Variants in ZFR2 observed in about 807,000 individuals in gnomAD.
ZFR2 encodes the protein zinc finger RNA binding protein 2.
In ZFR2, 104 loss-of-function variants were observed where a neutral mutation model predicts 105.7. The observed-to-expected ratio is 0.98, with a 90% confidence interval of 0.84 to 1.16. The LOEUF (loss-of-function observed/expected upper bound fraction) is 1.16, where lower values mean the gene tolerates loss of function less well. Among genes scored for constraint, ZFR2 ranks in the 50% most tolerant of loss-of-function variants. ZFR2 has a pLI of 0.00. For synonymous variants in ZFR2, 634 were observed against 597.7 expected (o/e 1.06, Z -0.89); for missense variants, 1,425 against 1,355.5 (o/e 1.05, Z -0.80).
At chr19:3,845,195 A>G (rs1199707944) in intron 1 of ZFR2, among the ~76,000 whole-genome samples, 2 of 152,176 alleles carry the variant, frequency 1.3e-5, no homozygotes, top group African/African-American at 4.8e-5. Flanking sequence ...CCCATTCTGC[A>G]TTGGGCTAAA....
intron 5 of ZFR2, among the ~76,000 whole-genome samples, chr19:3,828,404 T>C (rs1342651672): frequency 3.3e-5 from 5 of 152,176 alleles, no homozygotes; most frequent in Non-Finnish European, 7.3e-5. Context: ...TTCAAGGAGT[T>C]TCTTTGGAAA....
At position 3,819,058 on chromosome 19, in the gene ZFR2, C is replaced by T. The variant is rs1259854908; in HGVS notation, c.1918G>A (p.Gly640Ser). 3.7e-6 allele frequency: 6 copies of T among 1,612,348 alleles called. No individual in the cohort carries two copies. The highest frequency in any genetic ancestry group is 1.7e-5 in the Admixed American group (1 of 59,968). ...EEDRGRREEE[G>S]DKRSSVAPQT... ...ATCTCCAATGACCTGCGCTTGTCAC[C>T]CTCTTCCTCTCGGCGGCCCCGGTCC... Residue 640 changes from glycine (G) to serine (S), a missense_variant, in exon 12 of 19, where the codon GGT (glycine) becomes AGT (serine). Coordinates refer to ENST00000262961, the MANE Select transcript of ZFR2 (RefSeq NM_015174.2).
In ZFR2 at chr19:3,831,569, G is replaced by T; in HGVS notation, c.599-13C>A. ...GGGTAGCTTGGTGCTGAGCAGCAGA[G>T]AAAACAATGAGTCGGGGGGAGATGC... On this transcript the variant is annotated splice_polypyrimidine_tract_variant and intron_variant, in intron 4 of 18. Transcript: ENST00000262961. The T allele has an allele frequency of 1.3e-6, 2 of 1,556,854 alleles. No homozygotes were observed. Among genetic ancestry groups the T allele is most frequent in the Non-Finnish European group, 8.7e-7 (1 of 1,150,432 alleles).
Position 3,852,321 on chromosome 19 carries a change from A to G in ZFR2, c.53+16644T>C, listed in dbSNP as rs537828108. 4.8e-4 allele frequency: 300 copies of G among 623,562 alleles called. 1 individual carries two copies. In the African/African-American group the frequency reaches 5.1e-3, roughly 11 times the overall value. 38.6% of individuals were successfully genotyped at this position (623,562 alleles called of 1,614,324 possible). ...TTCAGCTGGGTGGCAATCCTGGTGG[A>G]GGTGGGCCTCAGCTGGGTGGCTCTC... On this transcript the variant is annotated intron_variant, in intron 1 of 18. Coordinates refer to ENST00000262961, the MANE Select transcript of ZFR2 (RefSeq NM_015174.2).
chr19:3,823,335 C>A lies in ZFR2; in HGVS notation c.1282G>T (p.Gly428Cys). 6.2e-7 allele frequency: 1 copy of A among 1,613,994 alleles called. No homozygotes were observed. Among genetic ancestry groups the A allele is most frequent in the African/African-American group, 1.3e-5 (1 of 75,068 alleles). The change falls in exon 8 of 19, where the codon GGT (glycine) becomes TGT (cysteine). Residue 428 changes from glycine (G) to cysteine (C), a missense_variant. Physicochemically the swap from Gly to Cys is radical, Grantham distance 159. Transcript: ENST00000262961. The surrounding 1 kb of genome is among the most constrained non-coding windows in gnomAD (Gnocchi z 5.4). ...WGKPAQPKLE[G>C]PGAPTQGGSK... ...CCTCCTTGGGTAGGTGCTCCGGGAC[C>A]CTCTAATTTAGGTTGGGCTGGTTTC...
At chr19:3,864,574 G>A (rs966958902) in intron 1 of ZFR2, among the ~76,000 whole-genome samples, 1 of 152,206 alleles carries the variant, frequency 6.6e-6, no homozygotes, top group Non-Finnish European at 1.5e-5. Context: ...CCTCTGGCCT[G>A]TCGCTTCCCA....
chr19:3,837,037 C>A (rs989126995), intron 1 of ZFR2, among the ~76,000 whole-genome samples: 1 of 152,240 alleles, frequency 6.6e-6, no homozygotes, highest in Non-Finnish European at 1.5e-5. Context: ...CCCAACCGGG[C>A]CCTGCTGTAG....
intron 17 of ZFR2, among the ~76,000 whole-genome samples, chr19:3,807,519 G>A (rs532790939): frequency 2.6e-5 from 4 of 152,184 alleles, no homozygotes; most frequent in African/African-American, 9.6e-5. Context: ...GTGTGTGTTC[G>A]TGCCTGTGTG....
intron 1 of ZFR2, among the ~76,000 whole-genome samples, 168 bp from the exon 2 acceptor site, chr19:3,835,151 C>T (rs948328649): frequency 6.6e-6 from 1 of 152,064 alleles, no homozygotes; most frequent in African/African-American, 2.4e-5. Flanking sequence ...AAATTAACAC[C>T]GTCTCACAAC....
intron 1 of ZFR2, chr19:3,855,688 A>G (rs2038290151): frequency 2.7e-6 from 1 of 371,118 alleles, no homozygotes; most frequent in African/African-American, 2.1e-5. Context: ...CGGGCTGGTC[A>G]TGGCGGGCCT....
intron 12 of ZFR2, 25 bp downstream of exon 12, chr19:3,819,018 GCC>G: frequency 6.2e-7 from 1 of 1,606,096 alleles, no homozygotes; most frequent in Non-Finnish European, 8.5e-7. Context: ...TGAGAGCCGG[GCC>G]CTGGGGAAGG....
At chr19:3,818,496 C>T (rs534513852) in intron 12 of ZFR2, among the ~76,000 whole-genome samples, 10 of 152,182 alleles carry the variant, frequency 6.6e-5, no homozygotes, top group South Asian at 6.2e-4. Flanking sequence ...AAAACAACAA[C>T]AACAAACAGC....
chr19:3,867,816 C>A (rs1468836003), intron 1 of ZFR2, among the ~76,000 whole-genome samples: 2 of 151,976 alleles, frequency 1.3e-5, no homozygotes, highest in African/African-American at 2.4e-5. Context: ...CCTGGGGTAA[C>A]CTCCCAGGTC....
chr19:3,816,685 G>C lies in ZFR2; in HGVS notation c.2092C>G (p.Arg698Gly). ...GGCCCTGACCTTACCTGGAGCTGCC[G>C]GGGCAGCTGCTGGGCGATCCTCCGC... The part of the protein sequence containing the change: ...LLRRIAQQLP[R>G]QLQMVTEDEY... The change falls in exon 13 of 19, where the codon CGG becomes GGG. Residue 698 changes from arginine (R) to glycine (G), a missense_variant. Coordinates refer to ENST00000262961, the MANE Select transcript of ZFR2 (RefSeq NM_015174.2). The C allele has an allele frequency of 6.2e-7, 1 of 1,608,482 alleles. No homozygotes were observed. Among genetic ancestry groups the C allele is most frequent in the Non-Finnish European group, 8.5e-7 (1 of 1,176,992 alleles).
intron 1 of ZFR2, among the ~76,000 whole-genome samples, chr19:3,848,653 T>TGG (rs2038206148): frequency 6.6e-6 from 1 of 151,640 alleles, no homozygotes; most frequent in Non-Finnish European, 1.5e-5. Context: ...ATCACACCAC[T>TGG]GCACTCCAGC....
At chr19:3,860,534 C>T (rs1046473846) in intron 1 of ZFR2, among the ~76,000 whole-genome samples, 1 of 152,256 alleles carries the variant, frequency 6.6e-6, no homozygotes, top group East Asian at 1.9e-4. Flanking sequence ...CCAGGTTATG[C>T]GGCAGTGGGA....
At chr19:3,831,184 C>T in intron 5 of ZFR2, 119 bp downstream of exon 5, 1 of 1,375,018 alleles carries the variant, frequency 7.3e-7, no homozygotes, top group Admixed American at 2.9e-5. Flanking sequence ...TGCAAGTTAA[C>T]ACCAGACCTT....
chr19:3,821,285 C>A, intron 10 of ZFR2, 55 bp downstream of exon 10: 1 of 1,494,312 alleles, frequency 6.7e-7, no homozygotes, highest in Non-Finnish European at 8.9e-7. Context: ...CTAGGTTCCA[C>A]GCTGGACCTG....
intron 18 of ZFR2, 30 bp from the exon 19 acceptor site, chr19:3,806,155 C>T (rs1485147970): frequency 2.1e-6 from 3 of 1,401,716 alleles, no homozygotes; most frequent in African/African-American, 1.5e-5. Flanking sequence ...TGTCAGGACC[C>T]CCGCCCGCTC....
Sources: allele counts gnomAD v4.1 joint callset (sites outside exome capture counted in the v4.1 genomes callset), GRCh38; gene constraint gnomAD v4.1.1; non-coding constraint Gnocchi (gnomAD v3.1); transcripts MANE v1.5; gene names NCBI Gene and HGNC (gene_info 2026-07-23, HGNC 2026-07-21).